MOB1B: variants seen among roughly 807,000 people sequenced by gnomAD.
MOB1B encodes the protein MOB kinase activator 1B, also known as MOB1 Mps One Binder homolog B.
In MOB1B, 19 loss-of-function variants were observed where a neutral mutation model predicts 24.4. That is an observed-to-expected ratio of 0.78 (90% confidence interval 0.54 to 1.14). The LOEUF is 1.14. Among genes scored for constraint, MOB1B ranks in the 50% most tolerant of loss-of-function variants. The probability of loss-of-function intolerance (pLI) is 0.00; values close to 1 mark genes in which losing one functional copy is unlikely to be tolerated. For synonymous variants in MOB1B, 76 were observed against 82.1 expected (o/e 0.93, Z 0.40); for missense variants, 243 against 259.6 (o/e 0.94, Z 0.44).
chr4:70,930,516 C>G (rs1322238966), intron 1 of MOB1B, among the ~76,000 whole-genome samples: 1 of 152,058 alleles, frequency 6.6e-6, no homozygotes, highest in Non-Finnish European at 1.5e-5. Flanking sequence ...GAAGAATATG[C>G]TTTTATGGCA....
chr4:70,976,360 A>T, intron 4 of MOB1B: 7 of 985,064 alleles, frequency 7.1e-6, no homozygotes, highest in Non-Finnish European at 8.4e-6. Context: ...ATCAAAAGGG[A>T]GTTTGAATTT....
At chr4:70,956,730 TGTTTTTA>T (rs1464421477) in intron 1 of MOB1B, among the ~76,000 whole-genome samples, 1 of 152,120 alleles carries the variant, frequency 6.6e-6, no homozygotes, top group Non-Finnish European at 1.5e-5. Flanking sequence ...CTGTGATGAG[TGTTTTTA>T]AAGTGATCCT....
At chr4:70,906,840 G>A (rs1735769907) in intron 1 of MOB1B, among the ~76,000 whole-genome samples, 1 of 152,168 alleles carries the variant, frequency 6.6e-6, no homozygotes, top group African/African-American at 2.4e-5. Flanking sequence ...CACATCCTTA[G>A]CACCTGCTGT....
At position 70,903,913 on chromosome 4, in the gene MOB1B, A is replaced by G. The variant is rs1735627963; in HGVS notation, c.14+1363A>G. Reference sequence around the variant, plus strand: ...TTGATTCTGAGTTTGTCGGATTGGCATAGGGCTAGATGACAGGACTGGGTG... The same window carrying G: ...TTGATTCTGAGTTTGTCGGATTGGCGTAGGGCTAGATGACAGGACTGGGTG... On this transcript the variant is annotated intron_variant, in intron 1 of 5. Transcript: ENST00000309395. 3.3e-5 allele frequency among the ~76,000 whole-genome samples: 5 copies of G among 150,982 alleles called. No individual in the cohort carries two copies. In the South Asian group the frequency reaches 1.0e-3, roughly 32 times the overall value.
chr4:70,919,069 A>G (rs1362731517), intron 1 of MOB1B, among the ~76,000 whole-genome samples: 1 of 151,988 alleles, frequency 6.6e-6, no homozygotes, highest in African/African-American at 2.4e-5. Flanking sequence ...CAAAAAACCA[A>G]ACACTGCATA....
intron 1 of MOB1B, among the ~76,000 whole-genome samples, chr4:70,944,749 G>A (rs1737502709): frequency 6.6e-6 from 1 of 152,136 alleles, no homozygotes; most frequent in Admixed American, 6.6e-5. Context: ...GACAGTATGA[G>A]ACAGAGGAAG....
chr4:70,923,925 C>T (rs746039969), intron 1 of MOB1B, among the ~76,000 whole-genome samples: 8 of 103,248 alleles, frequency 7.7e-5, no homozygotes, highest in Non-Finnish European at 1.1e-4. Flanking sequence ...CCAGCCTGGG[C>T]AACAGAGTGA....
chr4:70,918,412 G>A (rs1485287526), intron 1 of MOB1B, among the ~76,000 whole-genome samples: 2 of 151,424 alleles, frequency 1.3e-5, no homozygotes, highest in African/African-American at 2.4e-5. Context: ...TCTCATTGTG[G>A]TTTTGATTTG....
intron 1 of MOB1B, among the ~76,000 whole-genome samples, chr4:70,904,280 TGG>T (rs1735651327): frequency 6.6e-6 from 1 of 151,838 alleles, no homozygotes; most frequent in Non-Finnish European, 1.5e-5. Flanking sequence ...CCACCGTGCC[TGG>T]GCAGTTTCTT....
rs1189778680 is a variant in MOB1B, at chr4:70,982,159, G to T, written c.*102G>T. The T allele has an allele frequency of 3.8e-6, 3 of 779,902 alleles. No homozygotes were observed. Among genetic ancestry groups the T allele is most frequent in the East Asian group, 5.4e-5 (2 of 37,156 alleles). The allele number at this position is 779,902 out of a possible 1,614,324, so 48.3% of individuals were successfully genotyped here. ...TTTATCTGGATTGTTTTTGTCCTAG[G>T]TTTGGGGGCGGGGGCTTGTTTGGGT... On this transcript the variant is annotated 3_prime_UTR_variant, in exon 6 of 6. Transcript: ENST00000309395.
chr4:70,984,711 T>A lies in MOB1B; in HGVS notation c.*2654T>A, dbSNP rs991439411. ...AAGCAATGTTTTGGAATTACTTTAA[T>A]TGATGGAGTAGTGGTGGTAGAGAGA... is the stretch of plus-strand genomic sequence containing the variant. On this transcript the variant is annotated 3_prime_UTR_variant, in exon 6 of 6. Transcript: ENST00000309395. The A allele has an allele frequency of 6.6e-6, 1 of 152,146 alleles. No individual in the cohort carries two copies. Among genetic ancestry groups the A allele is most frequent in the Non-Finnish European group, 1.5e-5 (1 of 68,010 alleles). The allele number at this position is 152,146 out of a possible 1,614,324, so 9.4% of individuals were successfully genotyped here.
upstream of MOB1B, chr4:70,902,216 G>C (rs1266832868): frequency 3.9e-6 from 2 of 508,098 alleles, no homozygotes; most frequent in African/African-American, 4.0e-5. Flanking sequence ...GAGGGCCGGG[G>C]TGGGCTTGCA....
intron 5 of MOB1B, among the ~76,000 whole-genome samples, chr4:70,980,040 A>G (rs984803553): frequency 6.6e-6 from 1 of 152,220 alleles, no homozygotes; most frequent in African/African-American, 2.4e-5. Context: ...CATCAGGAGA[A>G]TAAACAATTA....
intron 4 of MOB1B, chr4:70,975,523 T>A (rs1738946013): frequency 3.4e-6 from 4 of 1,178,176 alleles, no homozygotes; most frequent in Non-Finnish European, 4.2e-6. Flanking sequence ...TTTTAAATGC[T>A]TAATTAGCTG....
At chr4:70,910,634 T>A (rs141337918) in intron 1 of MOB1B, among the ~76,000 whole-genome samples, 1 of 152,116 alleles carries the variant, frequency 6.6e-6, no homozygotes, top group East Asian at 1.9e-4. Context: ...TCATATAATA[T>A]TTAAATATTT....
chr4:70,982,306 A>G lies in MOB1B; in HGVS notation c.*249A>G, dbSNP rs1739241064. The stretch of plus-strand genomic sequence containing the variant: ...AGTGTTTTTAAACTTGGTTTTGGTT[A>G]CTTGAGGAGTTTTTTAATAATATTG... On this transcript the variant is annotated 3_prime_UTR_variant, in exon 6 of 6. Transcript: ENST00000309395. 1 of 305,210 alleles carries G rather than the reference A, an allele frequency of 3.3e-6. No individual in the cohort carries two copies. Among genetic ancestry groups the G allele is most frequent in the Non-Finnish European group, 6.0e-6 (1 of 166,056 alleles). 18.9% of individuals were successfully genotyped at this position (305,210 alleles called of 1,614,324 possible). A position where few individuals can be genotyped will look rare whatever the true frequency, so the allele number is the denominator to read the frequency against.
At chr4:70,914,661 C>T (rs1206276416) in intron 1 of MOB1B, among the ~76,000 whole-genome samples, 1 of 152,218 alleles carries the variant, frequency 6.6e-6, no homozygotes, top group African/African-American at 2.4e-5. Flanking sequence ...AGTTGCAAGT[C>T]AGTGGCACAG....
Position 70,985,443 on chromosome 4 carries a change from C to G in MOB1B, c.*3386C>G, listed in dbSNP as rs1396202953. On this transcript the variant is annotated 3_prime_UTR_variant, in exon 6 of 6. Coordinates refer to ENST00000309395, the MANE Select transcript of MOB1B (RefSeq NM_173468.4). Reference sequence around the variant, plus strand: ...CCATGAAAAGCAGTTTGTTATTATGCAGGAAAATCAGTTTCATCATTTTAG... The same window carrying G: ...CCATGAAAAGCAGTTTGTTATTATGGAGGAAAATCAGTTTCATCATTTTAG... The G allele has an allele frequency of 6.6e-6, 1 of 152,156 alleles. No individual in the cohort carries two copies. Among genetic ancestry groups the G allele is most frequent in the African/African-American group, 2.4e-5 (1 of 41,434 alleles). The allele number at this position is 152,156 out of a possible 1,614,324, so 9.4% of individuals were successfully genotyped here.
intron 2 of MOB1B, among the ~76,000 whole-genome samples, chr4:70,966,059 G>A (rs1304824479): frequency 6.6e-6 from 1 of 152,004 alleles, no homozygotes; most frequent in African/African-American, 2.4e-5. Context: ...ACAAAGAATG[G>A]AAAAAATATT....
Sources: gnomAD v4.1 joint callset for allele counts (sites outside exome capture counted in the v4.1 genomes callset) on GRCh38, gnomAD v4.1.1 for gene constraint, MANE v1.5 for transcripts, NCBI Gene and HGNC (gene_info 2026-07-23, HGNC 2026-07-21) for gene names.